CLSTN2: variants seen among roughly 807,000 people sequenced by gnomAD.
The protein encoded by CLSTN2 is calsyntenin-2.
A neutral mutation model predicts 101.2 loss-of-function variants in CLSTN2; 48 were observed. The ratio of observed to expected loss-of-function variants is 0.47; its 90% confidence interval spans 0.38 to 0.60. CLSTN2 has a LOEUF of 0.60. Ranked by LOEUF, CLSTN2 falls within the 20% of genes least tolerant of loss-of-function variation. The pLI, the probability that CLSTN2 is intolerant of heterozygous loss-of-function variation, is 0.00. For synonymous variants in CLSTN2, 481 were observed against 463.6 expected (o/e 1.04, Z -0.48); for missense variants, 1,160 against 1,238.2 (o/e 0.94, Z 0.95).
chr3:139,991,049 G>T (rs1036724193), intron 1 of CLSTN2, among the ~76,000 whole-genome samples: 1 of 152,126 alleles, frequency 6.6e-6, no homozygotes, highest in Non-Finnish European at 1.5e-5. Flanking sequence ...GTGGCACATA[G>T]CTATAGCAGA....
At chr3:140,057,899 A>G (rs979263404) in intron 1 of CLSTN2, among the ~76,000 whole-genome samples, 1 of 152,212 alleles carries the variant, frequency 6.6e-6, no homozygotes. Flanking sequence ...GCAGTAACCC[A>G]TGGAAATGAA....
chr3:140,372,662 T>C (rs2087871498), intron 2 of CLSTN2, among the ~76,000 whole-genome samples: 1 of 152,162 alleles, frequency 6.6e-6, no homozygotes, highest in South Asian at 2.1e-4. Flanking sequence ...AATGGTGAGA[T>C]GGCCATTTGA....
chr3:140,362,661 A>G (rs1251205541), intron 2 of CLSTN2, among the ~76,000 whole-genome samples: 2 of 152,204 alleles, frequency 1.3e-5, no homozygotes, highest in African/African-American at 2.4e-5. Context: ...AAATGTTTGA[A>G]TAGGCATTTC....
In CLSTN2 at chr3:140,158,906, T is replaced by G. The variant is rs535398190; in HGVS notation, c.110-17045T>G. On this transcript the variant is annotated intron_variant, in intron 1 of 16. Transcript: ENST00000458420. The stretch of plus-strand genomic sequence containing the variant: ...TACAGCCATCTGATCTTCAGCAAAA[T>G]AGTCAAAGATAAGCAATGGGGGAAA... Among the ~76,000 whole-genome samples the G allele has an allele frequency of 2.6e-5, 4 of 152,136 alleles. No homozygotes were observed. In the East Asian group the frequency reaches 7.7e-4, roughly 29 times the overall value.
Position 140,569,173 on chromosome 3 carries a change from C to T in CLSTN2, c.*2920C>T, listed in dbSNP as rs1333449971. ...CAGGGTAATGTGGCTTGCCCTCCCCCAGATATTCTGATCCCAAGAAAAAGG... is the reference window on the plus strand; with the variant it reads ...CAGGGTAATGTGGCTTGCCCTCCCCTAGATATTCTGATCCCAAGAAAAAGG... On this transcript the variant is annotated 3_prime_UTR_variant, in exon 17 of 17. Coordinates refer to ENST00000458420, the MANE Select transcript of CLSTN2 (RefSeq NM_022131.3). The T allele has an allele frequency of 6.6e-6, 1 of 152,202 alleles. No individual in the cohort carries two copies. Among genetic ancestry groups the T allele is most frequent in the East Asian group, 1.9e-4 (1 of 5,192 alleles). The allele number at this position is 152,202 out of a possible 1,614,324, so 9.4% of individuals were successfully genotyped here.
intron 1 of CLSTN2, among the ~76,000 whole-genome samples, chr3:139,973,574 T>C (rs1461175210): frequency 1.3e-5 from 2 of 152,162 alleles, no homozygotes; most frequent in Non-Finnish European, 2.9e-5. Context: ...AACTTGGGGC[T>C]CTGACCCTGC....
chr3:140,196,396 T>C (rs1057232941), intron 2 of CLSTN2, among the ~76,000 whole-genome samples: 3 of 152,158 alleles, frequency 2.0e-5, no homozygotes, highest in African/African-American at 7.2e-5. Context: ...GTTCTGGAAA[T>C]GGGAGTGAAG....
intron 1 of CLSTN2, among the ~76,000 whole-genome samples, chr3:140,155,175 G>C (rs577398548): frequency 6.6e-6 from 1 of 152,322 alleles, no homozygotes; most frequent in East Asian, 1.9e-4. Context: ...CCGATGATTA[G>C]AGTGAATGGA....
chr3:140,069,651 C>T (rs1256210259), intron 1 of CLSTN2, among the ~76,000 whole-genome samples: 1 of 152,194 alleles, frequency 6.6e-6, no homozygotes, highest in Non-Finnish European at 1.5e-5. Context: ...TGTGAGAAAG[C>T]TGAGGTCAGA....
Position 140,575,384 on chromosome 3 carries a change from T to C in CLSTN2, c.*9131T>C, listed in dbSNP as rs544779006. On this transcript the variant is annotated 3_prime_UTR_variant, in exon 17 of 17. Transcript: ENST00000458420. ...AAGATGCATCCAAGTTTGCAAAAAA[T>C]TATGGGTAAATCTGGCCATGTGACC... The C allele has an allele frequency of 2.0e-5, 3 of 152,224 alleles. No homozygotes were observed. The South Asian group carries it at 6.2e-4, about 32-fold the overall frequency. 9.4% of individuals were successfully genotyped at this position (152,224 alleles called of 1,614,324 possible). A position where few individuals can be genotyped will look rare whatever the true frequency, so the allele number is the denominator to read the frequency against.
chr3:140,459,805 C>G (rs1382829268), intron 7 of CLSTN2, 36 bp downstream of exon 7: 4 of 1,564,300 alleles, frequency 2.6e-6, no homozygotes, highest in Admixed American at 3.4e-5. Flanking sequence ...CCCCTCCTAC[C>G]CCAGCAGCTG....
intron 2 of CLSTN2, among the ~76,000 whole-genome samples, chr3:140,258,299 CAT>C (rs2086620579): frequency 6.6e-6 from 1 of 152,160 alleles, no homozygotes; most frequent in South Asian, 2.1e-4. Flanking sequence ...TTCTTAGAGA[CAT>C]ATGTAGCTGA....
intron 2 of CLSTN2, among the ~76,000 whole-genome samples, chr3:140,315,971 G>A (rs1396479805): frequency 6.6e-6 from 1 of 152,168 alleles, no homozygotes; most frequent in Non-Finnish European, 1.5e-5. Context: ...GGAAGGAGAA[G>A]CAGTCAGGAT....
At chr3:140,408,364 C>A (rs1309284188) in intron 4 of CLSTN2, among the ~76,000 whole-genome samples, 1 of 152,096 alleles carries the variant, frequency 6.6e-6, no homozygotes, top group Non-Finnish European at 1.5e-5. Context: ...CATCTGGGAA[C>A]AAAGAAGGGC....
At chr3:139,998,404 G>C (rs2006736046) in intron 1 of CLSTN2, among the ~76,000 whole-genome samples, 1 of 35,990 alleles carries the variant, frequency 2.8e-5, no homozygotes, top group Non-Finnish European at 1.1e-4. Context: ...AGTGGCGCGA[G>C]GCTCACTGCA....
intron 2 of CLSTN2, among the ~76,000 whole-genome samples, chr3:140,236,218 A>G (rs900311998): frequency 6.6e-6 from 1 of 152,196 alleles, no homozygotes; most frequent in Non-Finnish European, 1.5e-5. Context: ...AGAATTTTAA[A>G]ATAATAATTG....
intron 2 of CLSTN2, among the ~76,000 whole-genome samples, chr3:140,363,378 C>T (rs2107951479): frequency 6.6e-6 from 1 of 152,168 alleles, no homozygotes; most frequent in South Asian, 2.1e-4. Flanking sequence ...GGATCTTTTG[C>T]ATGTAATAGA....
At chr3:140,192,792 A>G (rs921640391) in intron 2 of CLSTN2, among the ~76,000 whole-genome samples, 2 of 151,626 alleles carry the variant, frequency 1.3e-5, no homozygotes, top group Non-Finnish European at 2.9e-5. Flanking sequence ...GATCATTTAT[A>G]TTTATATGGT....
chr3:140,091,692 G>C (rs1467249597), intron 1 of CLSTN2, among the ~76,000 whole-genome samples: 1 of 152,178 alleles, frequency 6.6e-6, no homozygotes, highest in Non-Finnish European at 1.5e-5. Flanking sequence ...GCCTTCTGTG[G>C]TTCCTCAGGG....
Sources: allele counts gnomAD v4.1 joint callset (sites outside exome capture counted in the v4.1 genomes callset), GRCh38; gene constraint gnomAD v4.1.1; transcripts MANE v1.5; gene names NCBI Gene and HGNC (gene_info 2026-07-23, HGNC 2026-07-21).